The following RPTOR variants were observed in gnomAD, a reference collection of about 807,000 sequenced individuals.
RPTOR encodes regulatory-associated protein of mTOR.
Under a neutral mutation model 169.9 loss-of-function variants are expected in RPTOR, and 21 were observed. That is an observed-to-expected ratio of 0.12 (90% confidence interval 0.09 to 0.18). RPTOR has a LOEUF of 0.18. RPTOR is among the 10% of genes least tolerant of loss of function. The pLI, the probability that RPTOR is intolerant of heterozygous loss-of-function variation, is 1.00. For missense variants in RPTOR, 1,133 were observed against 1,855.9 expected (o/e 0.61, Z 7.16); for synonymous variants, 732 against 753.2 (o/e 0.97, Z 0.46).
intron 4 of RPTOR, among the ~76,000 whole-genome samples, chr17:80,712,106 G>A (rs1050604686): frequency 9.9e-5 from 15 of 152,066 alleles, no homozygotes; most frequent in African/African-American, 3.6e-4. Flanking sequence ...CAGAAAAATT[G>A]AGCAAGTTTA....
intron 1 of RPTOR, among the ~76,000 whole-genome samples, chr17:80,614,142 C>A (rs12942347): frequency 1.3e-5 from 2 of 151,894 alleles, no homozygotes; most frequent in Non-Finnish European, 2.9e-5. Context: ...CCTGGAAGAC[C>A]CACCCAGAGC....
chr17:80,724,452 G>A (rs2066313296), intron 4 of RPTOR, among the ~76,000 whole-genome samples: 1 of 151,418 alleles, frequency 6.6e-6, no homozygotes, highest in South Asian at 2.1e-4. Flanking sequence ...AAAGTAGGAT[G>A]GTATCTTTGC....
Position 80,670,718 on chromosome 17 carries a change from T to A in RPTOR, c.348+26908T>A, listed in dbSNP as rs536866131. 3.9e-5 allele frequency among the ~76,000 whole-genome samples: 6 copies of A among 152,300 alleles called. No individual in the cohort carries two copies. In the South Asian group the frequency reaches 1.2e-3, roughly 32 times the overall value. ...GCTCTGGTATACGATAGATGTGTAG[T>A]GTAGCAGCACCTGGCGTTTGCCTGT... On this transcript the variant is annotated intron_variant, in intron 3 of 33. Transcript: ENST00000306801.
At chr17:80,602,676 A>G in intron 1 of RPTOR, 1 of 717,076 alleles carries the variant, frequency 1.4e-6, no homozygotes, top group Non-Finnish European at 2.6e-6. Flanking sequence ...CCACGCACGG[A>G]TGCGGTAGGG....
Position 80,583,182 on chromosome 17 carries a change from G to GTTTTTT in RPTOR, c.162+37410_162+37415dup, listed in dbSNP as rs1166711662. 1.5e-3 allele frequency among the ~76,000 whole-genome samples: 121 copies of GTTTTTT among 79,262 alleles called. 16 individuals are homozygous for GTTTTTT. Among genetic ancestry groups the GTTTTTT allele is most frequent in the African/African-American group, 5.1e-3 (99 of 19,530 alleles). 52.0% of individuals were successfully genotyped at this position (79,262 alleles called of 152,430 possible). A position where few individuals can be genotyped will look rare whatever the true frequency, so the allele number is the denominator to read the frequency against. On this transcript the variant is annotated intron_variant, in intron 1 of 33. Coordinates refer to ENST00000306801, the MANE Select transcript of RPTOR (RefSeq NM_020761.3). ...GGTCCCTGTCCACTGCCTCTTTCCT[G>GTTTTTT]TTTTTTTTTTTTTTTTTTTTTTTTG...
At chr17:80,839,411 C>T (rs752544130) in intron 10 of RPTOR, among the ~76,000 whole-genome samples, 7 of 152,240 alleles carry the variant, frequency 4.6e-5, no homozygotes, top group Non-Finnish European at 4.4e-5. Flanking sequence ...CCACTTACTT[C>T]TACCCCATCT....
intron 3 of RPTOR, among the ~76,000 whole-genome samples, chr17:80,689,491 C>T (rs1049926733): frequency 6.6e-6 from 1 of 152,200 alleles, no homozygotes; most frequent in Non-Finnish European, 1.5e-5. Flanking sequence ...GCTAGAAGTG[C>T]TTTGTAAGCG....
At chr17:80,904,365 G>A (rs2068514911) in intron 20 of RPTOR, among the ~76,000 whole-genome samples, 1 of 152,188 alleles carries the variant, frequency 6.6e-6, no homozygotes, top group Admixed American at 6.5e-5. Context: ...CTCAGCCTTG[G>A]GGTGGCGGCT....
In RPTOR at chr17:80,908,890, G is replaced by A. The variant is rs1329848135; in HGVS notation, c.2481G>A (p.Ser827=). The part of the protein sequence containing the change: ...HLAADPYPEV[S]DVAMKVLNSI... The stretch of plus-strand genomic sequence containing the variant: ...CTGCTGACCCCTATCCAGAGGTCTC[G>A]GACGTGGCCATGAAAGTACTCAACA... Residue 827 remains serine (S), a synonymous_variant, in exon 21 of 34, where the codon TCG becomes TCA. Transcript: ENST00000306801. 9 of 1,613,928 alleles carry A rather than the reference G, an allele frequency of 5.6e-6. No homozygotes were observed. Among genetic ancestry groups the A allele is most frequent in the South Asian group, 1.1e-5 (1 of 91,072 alleles).
intron 2 of RPTOR, among the ~76,000 whole-genome samples, chr17:80,634,247 A>C: frequency 1.5e-5 from 1 of 68,676 alleles, no homozygotes; most frequent in Non-Finnish European, 3.0e-5. Context: ...GTGCGTGCAT[A>C]CTGTATGCGT....
At chr17:80,733,684 C>G (rs1292030467) in intron 5 of RPTOR, among the ~76,000 whole-genome samples, 1 of 152,200 alleles carries the variant, frequency 6.6e-6, no homozygotes, top group East Asian at 1.9e-4. Flanking sequence ...GCAAAGAAGT[C>G]AATTATGTGT....
intron 1 of RPTOR, among the ~76,000 whole-genome samples, chr17:80,604,001 T>C (rs2065210466): frequency 6.6e-6 from 1 of 152,244 alleles, no homozygotes; most frequent in South Asian, 2.1e-4. Flanking sequence ...GGGCCACCCC[T>C]GTAAGCAGGG....
chr17:80,866,281 C>T (rs1360746041), intron 13 of RPTOR, among the ~76,000 whole-genome samples: 2 of 151,678 alleles, frequency 1.3e-5, no homozygotes, highest in African/African-American at 2.4e-5. Context: ...GTTGAGTATA[C>T]GTGGACCCAG....
rs2068361752 is a variant in RPTOR at position 80,893,631 on chromosome 17, T to G, written c.2243-76T>G. ...CTTTATTTAGAAGAAAATATGTATC[T>G]CAGTCATGCCATTAACTGTAAGACC... On this transcript the variant is annotated intron_variant, in intron 19 of 33. Coordinates refer to ENST00000306801, the MANE Select transcript of RPTOR (RefSeq NM_020761.3). The G allele has an allele frequency of 4.0e-6, 6 of 1,511,156 alleles. No homozygotes were observed. The South Asian group carries it at 7.5e-5, about 19-fold the overall frequency. 93.6% of individuals were successfully genotyped at this position (1,511,156 alleles called of 1,614,324 possible).
chr17:80,721,387 A>T lies in RPTOR; in HGVS notation c.508-9173A>T, dbSNP rs995434881. Among the ~76,000 whole-genome samples the T allele has an allele frequency of 6.6e-6, 1 of 151,452 alleles. No individual in the cohort carries two copies. Among genetic ancestry groups the T allele is most frequent in the Non-Finnish European group, 1.5e-5 (1 of 68,020 alleles). On this transcript the variant is annotated intron_variant, in intron 4 of 33. Coordinates refer to ENST00000306801, the MANE Select transcript of RPTOR (RefSeq NM_020761.3). The surrounding 1 kb of genome is among the most constrained non-coding windows in gnomAD (Gnocchi z 4.7). ...TGAGTAACCTCAGGGGTAAGCAAGG[A>T]GGTGTGAGAATCACTCACTTCCTCG...
At chr17:80,688,667 C>G (rs1218248418) in intron 3 of RPTOR, among the ~76,000 whole-genome samples, 3 of 152,232 alleles carry the variant, frequency 2.0e-5, no homozygotes, top group African/African-American at 4.8e-5. Context: ...TTAAGCATCT[C>G]CGGTGCTATG....
intron 23 of RPTOR, chr17:80,924,020 G>A (rs2068781757): frequency 1.2e-5 from 4 of 345,656 alleles, no homozygotes; most frequent in Non-Finnish European, 1.6e-5. Flanking sequence ...GGAGTTACCT[G>A]GCTCTGCCCT....
At chr17:80,675,068 G>A (rs987668559) in intron 3 of RPTOR, among the ~76,000 whole-genome samples, 1 of 152,132 alleles carries the variant, frequency 6.6e-6, no homozygotes, top group Non-Finnish European at 1.5e-5. Flanking sequence ...TTCTCAGTTC[G>A]CAGATTCTTT....
At chr17:80,639,320 T>C (rs2065533767) in intron 2 of RPTOR, among the ~76,000 whole-genome samples, 1 of 151,566 alleles carries the variant, frequency 6.6e-6, no homozygotes, top group South Asian at 2.1e-4. Flanking sequence ...AAATACACGG[T>C]ACAAAGAACT....
Sources: allele counts gnomAD v4.1 joint callset (sites outside exome capture counted in the v4.1 genomes callset), GRCh38; gene constraint gnomAD v4.1.1; non-coding constraint Gnocchi (gnomAD v3.1); transcripts MANE v1.5; gene names NCBI Gene and HGNC (gene_info 2026-07-23, HGNC 2026-07-21).